CTNNA3: variants seen among roughly 807,000 people sequenced by gnomAD.
CTNNA3 encodes catenin alpha 3.
Under a neutral mutation model 95.7 loss-of-function variants are expected in CTNNA3, and 76 were observed. The observed-to-expected ratio is 0.79, with a 90% CI of 0.66 to 0.96. The LOEUF (loss-of-function observed/expected upper bound fraction) is 0.96, where lower values mean the gene tolerates loss of function less well. CTNNA3 is among the 40% of genes least tolerant of loss of function. The pLI is 0.00. For synonymous variants in CTNNA3, 431 were observed against 374.4 expected (o/e 1.15, Z -1.74); for missense variants, 1,191 against 1,089.8 (o/e 1.09, Z -1.31).
rs533690910 is a variant in CTNNA3, at chr10:67,578,996, GATATATATATATATATATAT to G, written c.292+27841_292+27860del. On this transcript the variant is annotated intron_variant, in intron 3 of 17. Coordinates refer to ENST00000433211, the MANE Select transcript of CTNNA3 (RefSeq NM_013266.4). The stretch of plus-strand genomic sequence containing the variant: ...GATATAAAACCCACCTGATCATAGT[GATATATATATATATATATAT>G]ATATATATATATATATACACACACA... Among the ~76,000 whole-genome samples, 33 of 87,386 alleles carry G rather than the reference GATATATATATATATATATAT, an allele frequency of 3.8e-4. 1 individual carries two copies. The highest frequency in any genetic ancestry group is 2.7e-3 in the Admixed American group (22 of 8,052). The allele number at this position is 87,386 out of a possible 152,430, so 57.3% of individuals were successfully genotyped here.
chr10:67,677,104 G>T (rs1450946384), intron 1 of CTNNA3, among the ~76,000 whole-genome samples: 3 of 152,112 alleles, frequency 2.0e-5, no homozygotes, highest in African/African-American at 7.2e-5. Flanking sequence ...TCTCCCCAGT[G>T]TTGACCAGCC....
At chr10:66,858,689 T>C (rs1349549574) in intron 7 of CTNNA3, among the ~76,000 whole-genome samples, 1 of 152,042 alleles carries the variant, frequency 6.6e-6, no homozygotes, top group African/African-American at 2.4e-5. Flanking sequence ...CTTGTGTTCA[T>C]AGAGGTATTT....
intron 13 of CTNNA3, among the ~76,000 whole-genome samples, chr10:66,156,343 G>A (rs369639461): frequency 6.6e-6 from 1 of 151,972 alleles, no homozygotes; most frequent in African/African-American, 2.4e-5. Context: ...TGATTTTGTT[G>A]TGATGTTGGA....
intron 9 of CTNNA3, among the ~76,000 whole-genome samples, chr10:66,750,613 C>T (rs12268982): frequency 0.098 from 14,898 of 152,202 alleles, 1,167 homozygotes; most frequent in East Asian, 0.22. Flanking sequence ...TCAATCATTA[C>T]AGCTTTACAA....
intron 13 of CTNNA3, among the ~76,000 whole-genome samples, chr10:66,176,038 T>C (rs1404992094): frequency 6.6e-6 from 1 of 152,174 alleles, no homozygotes; most frequent in Middle Eastern, 3.2e-3. Context: ...ACAGTTTTAT[T>C]TTCTGTATTT....
intron 5 of CTNNA3, among the ~76,000 whole-genome samples, chr10:67,340,473 G>A (rs1354736613): frequency 1.3e-5 from 2 of 152,182 alleles, no homozygotes; most frequent in African/African-American, 4.8e-5. Context: ...AACACACTCA[G>A]CATGCTAATA....
chr10:66,367,774 A>G (rs2092720656), intron 12 of CTNNA3, among the ~76,000 whole-genome samples: 1 of 148,752 alleles, frequency 6.7e-6, no homozygotes. Flanking sequence ...CATTTTACAG[A>G]GGATAGCGAA....
intron 7 of CTNNA3, among the ~76,000 whole-genome samples, chr10:66,882,524 G>T (rs746879019): frequency 3.9e-5 from 6 of 152,050 alleles, no homozygotes; most frequent in Admixed American, 2.0e-4. Context: ...ATGCATTGAC[G>T]GTTCTTACAG....
chr10:66,338,977 C>A (rs117617880), intron 12 of CTNNA3, among the ~76,000 whole-genome samples: 7,099 of 151,788 alleles, frequency 0.047, 266 homozygotes, highest in Non-Finnish European at 0.062. Flanking sequence ...TGAAGTAAAT[C>A]ACTACATTCA....
At chr10:66,178,430 TATATATATATATAC>T (rs1386889876) in intron 13 of CTNNA3, among the ~76,000 whole-genome samples, 1 of 87,466 alleles carries the variant, frequency 1.1e-5, no homozygotes, top group African/African-American at 5.0e-5. Flanking sequence ...TATATATATA[TATATATATATATAC>T]ACACACAGAT....
At chr10:66,032,291 G>A (rs1323877323) in intron 15 of CTNNA3, among the ~76,000 whole-genome samples, 1 of 151,832 alleles carries the variant, frequency 6.6e-6, no homozygotes, top group East Asian at 1.9e-4. Context: ...TTTTTCTTTT[G>A]CATGTGAAAA....
At chr10:67,198,356 G>T (rs1172833219) in intron 6 of CTNNA3, among the ~76,000 whole-genome samples, 1 of 152,078 alleles carries the variant, frequency 6.6e-6, no homozygotes, top group African/African-American at 2.4e-5. Context: ...AGTCACGAAG[G>T]TCTTACTTTA....
At chr10:67,665,684 CTAGTGTATTTCAGGATGACTG>C (rs963005817) in intron 1 of CTNNA3, 4 of 152,108 alleles carry the variant, frequency 2.6e-5, no homozygotes, top group African/African-American at 9.7e-5. Context: ...GACAAGCACC[CTAGTGTATTTCAGGATGACTG>C]ACAGGACACA....
chr10:67,594,718 A>AT (rs1476589385), intron 3 of CTNNA3, among the ~76,000 whole-genome samples: 1 of 151,596 alleles, frequency 6.6e-6, no homozygotes, highest in Non-Finnish European at 1.5e-5. Context: ...GGTTTCATTG[A>AT]TTTTTTATTT....
intron 7 of CTNNA3, among the ~76,000 whole-genome samples, chr10:67,120,168 C>T (rs537889725): frequency 1.3e-5 from 2 of 151,998 alleles, no homozygotes; most frequent in East Asian, 3.9e-4. Flanking sequence ...TCAGCTTTTA[C>T]TGAATTCCAG....
intron 9 of CTNNA3, among the ~76,000 whole-genome samples, chr10:66,655,956 A>G (rs934927779): frequency 6.6e-6 from 1 of 152,126 alleles, no homozygotes; most frequent in East Asian, 1.9e-4. Context: ...CGTGGCTCAT[A>G]TCTGTCATAG....
At chr10:67,555,074 G>T (rs939243007) in intron 3 of CTNNA3, among the ~76,000 whole-genome samples, 5 of 151,926 alleles carry the variant, frequency 3.3e-5, no homozygotes, top group African/African-American at 1.2e-4. Context: ...TACATGTGCG[G>T]TATTATTTCT....
rs574674594 is a variant in CTNNA3 at position 67,477,007 on chromosome 10, G to A, written c.579+44835C>T. On this transcript the variant is annotated intron_variant, in intron 5 of 17. Transcript: ENST00000433211. ...GGGCCCTCTCTGTCCCATGCCCAGC[G>A]ATACCTCCAGGCAGTCAGAGCACCT... is the stretch of plus-strand genomic sequence containing the variant. Among the ~76,000 whole-genome samples the A allele has an allele frequency of 7.3e-5, 11 of 151,386 alleles. 1 individual carries two copies. Among genetic ancestry groups the A allele is most frequent in the Admixed American group, 3.9e-4 (6 of 15,238 alleles).
chr10:66,473,750 G>T (rs986276235), intron 11 of CTNNA3, among the ~76,000 whole-genome samples: 1 of 152,092 alleles, frequency 6.6e-6, no homozygotes, highest in East Asian at 1.9e-4. Context: ...CCATCTATGA[G>T]TGAGAACATG....
Sources: allele counts gnomAD v4.1 joint callset (sites outside exome capture counted in the v4.1 genomes callset), GRCh38; gene constraint gnomAD v4.1.1; transcripts MANE v1.5; gene names NCBI Gene and HGNC (gene_info 2026-07-23, HGNC 2026-07-21).